Variants in ASIC2 observed in about 807,000 individuals in gnomAD.
ASIC2 encodes the protein acid sensing ion channel subunit 2, also known as acid-sensing ion channel 2.
ASIC2 carries 25 observed loss-of-function variants against 57.3 expected under a neutral mutation model. The ratio of observed to expected loss-of-function variants is 0.44; its 90% CI spans 0.32 to 0.61. ASIC2 has a LOEUF of 0.61. ASIC2 is among the 20% of genes least tolerant of loss of function. The pLI is 0.06. For synonymous variants in ASIC2, 319 were observed against 307.5 expected (o/e 1.04, Z -0.39); for missense variants, 641 against 738.1 (o/e 0.87, Z 1.52).
chr17:33,351,805 C>T (rs1485096900), intron 1 of ASIC2, among the ~76,000 whole-genome samples: 1 of 152,112 alleles, frequency 6.6e-6, no homozygotes, highest in Non-Finnish European at 1.5e-5. Flanking sequence ...TTTTCTTTAT[C>T]CTTGCACTCA....
At chr17:33,139,185 C>T (rs544510365) in intron 1 of ASIC2, among the ~76,000 whole-genome samples, 13 of 152,178 alleles carry the variant, frequency 8.5e-5, no homozygotes, top group Non-Finnish European at 1.5e-5. Context: ...AGCAATGTCA[C>T]CTCTCCCTGA....
At chr17:34,102,782 AT>A (rs1910912324) in intron 1 of ASIC2, among the ~76,000 whole-genome samples, 1 of 152,214 alleles carries the variant, frequency 6.6e-6, no homozygotes, top group African/African-American at 2.4e-5. Context: ...TGCTATAAAC[AT>A]TTTCATACGG....
At chr17:33,655,175 C>A (rs1406533350) in intron 1 of ASIC2, among the ~76,000 whole-genome samples, 2 of 152,186 alleles carry the variant, frequency 1.3e-5, no homozygotes, top group Non-Finnish European at 2.9e-5. Context: ...AGACCTGGTG[C>A]CTCGGGAAAG....
intron 1 of ASIC2, among the ~76,000 whole-genome samples, chr17:33,383,466 C>T (rs552526950): frequency 1.5e-4 from 23 of 152,252 alleles, no homozygotes; most frequent in East Asian, 1.9e-4. Flanking sequence ...GAAATGGATA[C>T]GCAGAAAATT....
At chr17:33,411,641 C>A (rs1052543381) in intron 1 of ASIC2, among the ~76,000 whole-genome samples, 1 of 152,082 alleles carries the variant, frequency 6.6e-6, no homozygotes, top group African/African-American at 2.4e-5. Context: ...TAGTTTTATT[C>A]CAATTCAGTG....
intron 1 of ASIC2, among the ~76,000 whole-genome samples, chr17:33,974,905 C>A (rs2142000493): frequency 6.6e-6 from 1 of 152,280 alleles, no homozygotes; most frequent in South Asian, 2.1e-4. Context: ...CTGTCTTCCT[C>A]TCCTGCTTCA....
chr17:33,556,517 G>A (rs1404525182), intron 1 of ASIC2, among the ~76,000 whole-genome samples: 2 of 152,164 alleles, frequency 1.3e-5, no homozygotes, highest in African/African-American at 2.4e-5. Flanking sequence ...GCTTAAATAC[G>A]TTTAAATTCA....
intron 1 of ASIC2, among the ~76,000 whole-genome samples, chr17:33,188,919 T>C (rs1161504760): frequency 6.6e-6 from 1 of 152,194 alleles, no homozygotes; most frequent in Non-Finnish European, 1.5e-5. Flanking sequence ...CTTTAAAAGA[T>C]TATTTTAAAA....
intron 1 of ASIC2, among the ~76,000 whole-genome samples, chr17:33,644,962 T>C (rs1906695437): frequency 1.3e-5 from 2 of 152,208 alleles, no homozygotes; most frequent in South Asian, 2.1e-4. Flanking sequence ...GGTTGATAGA[T>C]AGGTAATAAG....
chr17:33,378,928 C>T (rs1288456292), intron 1 of ASIC2, among the ~76,000 whole-genome samples: 1 of 152,198 alleles, frequency 6.6e-6, no homozygotes, highest in Admixed American at 6.5e-5. Flanking sequence ...TGACCTGGGG[C>T]AAGTGACTTA....
At chr17:33,835,864 T>C (rs946159802) in intron 1 of ASIC2, among the ~76,000 whole-genome samples, 1 of 151,782 alleles carries the variant, frequency 6.6e-6, no homozygotes, top group African/African-American at 2.4e-5. Flanking sequence ...CCCAGGCTGG[T>C]CTTGAAATCT....
intron 1 of ASIC2, among the ~76,000 whole-genome samples, chr17:33,976,948 A>C (rs1567776024): frequency 6.6e-6 from 1 of 152,036 alleles, no homozygotes. Context: ...TCTGCTTGTC[A>C]TCATCAACTT....
chr17:33,808,173 G>A (rs1450989020), intron 1 of ASIC2, among the ~76,000 whole-genome samples: 6 of 152,186 alleles, frequency 3.9e-5, no homozygotes, highest in South Asian at 2.1e-4. Flanking sequence ...TTTTAGGCGC[G>A]TGATCCATTT....
At chr17:33,880,039 G>T (rs1914660573) in intron 1 of ASIC2, among the ~76,000 whole-genome samples, 2 of 152,148 alleles carry the variant, frequency 1.3e-5, no homozygotes, top group South Asian at 2.1e-4. Flanking sequence ...CAGAAATAAA[G>T]ATGTTCTTTG....
At chr17:33,981,537 C>T (rs1226568396) in intron 1 of ASIC2, among the ~76,000 whole-genome samples, 3 of 152,062 alleles carry the variant, frequency 2.0e-5, no homozygotes, top group Non-Finnish European at 4.4e-5. Flanking sequence ...ATTGGTGGAA[C>T]CAGGACTTAA....
intron 1 of ASIC2, among the ~76,000 whole-genome samples, chr17:33,458,745 A>G (rs1912535268): frequency 6.6e-6 from 1 of 152,224 alleles, no homozygotes; most frequent in South Asian, 2.1e-4. Context: ...ATCCTAATCT[A>G]TTAATGAAGA....
chr17:34,099,162 G>GAGAA lies in ASIC2; in HGVS notation c.555+56812_555+56815dup, dbSNP rs759417669. On this transcript the variant is annotated intron_variant, in intron 1 of 9. Transcript: ENST00000359872. ...AGAGAGAGACAGAGAGAGAGAGAGA[G>GAGAA]AGAAAGAAAGAAAGAAAGAAAGAAA... 5.3e-3 allele frequency among the ~76,000 whole-genome samples: 223 copies of GAGAA among 41,938 alleles called. 3 individuals are homozygous for GAGAA. The highest frequency in any genetic ancestry group is 0.01 in the Admixed American group (30 of 2,878). 27.5% of individuals were successfully genotyped at this position (41,938 alleles called of 152,430 possible). A position where few individuals can be genotyped will look rare whatever the true frequency, so the allele number is the denominator to read the frequency against.
chr17:33,041,684 A>C (rs1410761785), intron 3 of ASIC2, among the ~76,000 whole-genome samples: 1 of 152,114 alleles, frequency 6.6e-6, no homozygotes, highest in African/African-American at 2.4e-5. Context: ...TGAGTTCTGC[A>C]CTCTGCTGAA....
At chr17:33,073,788 C>T (rs989154735) in intron 3 of ASIC2, among the ~76,000 whole-genome samples, 6 of 152,168 alleles carry the variant, frequency 3.9e-5, no homozygotes, top group Non-Finnish European at 8.8e-5. Context: ...AGATGATCAT[C>T]GGAAGCTGCT....
Sources: allele counts gnomAD v4.1 joint callset (sites outside exome capture counted in the v4.1 genomes callset), GRCh38; gene constraint gnomAD v4.1.1; transcripts MANE v1.5; gene names NCBI Gene and HGNC (gene_info 2026-07-23, HGNC 2026-07-21).